The following NDUFA10 variants were observed in gnomAD, a reference collection of about 807,000 sequenced individuals.
NDUFA10 encodes NADH:ubiquinone oxidoreductase subunit A10.
Under a neutral mutation model 47.8 loss-of-function variants are expected in NDUFA10, and 40 were observed. That is an observed-to-expected ratio of 0.84 (90% CI 0.65 to 1.09). The LOEUF is 1.09. NDUFA10 is among the 50% of genes least tolerant of loss of function. The probability of loss-of-function intolerance (pLI) is 0.00; values close to 1 mark genes in which losing one functional copy is unlikely to be tolerated. For synonymous variants in NDUFA10, 183 were observed against 172.2 expected, an observed-to-expected ratio of 1.06 and a Z score of -0.49; for missense variants, 413 against 451.1, an observed-to-expected ratio of 0.92 and a Z score of 0.76.
Position 239,895,664 on chromosome 2 carries a change from G to A in NDUFA10, c.295-350C>T, listed in dbSNP as rs544712468. Among the ~76,000 whole-genome samples the A allele has an allele frequency of 1.8e-3, 279 of 152,264 alleles. 1 individual carries two copies. Among genetic ancestry groups the A allele is most frequent in the Non-Finnish European group, 3.2e-3 (218 of 68,018 alleles). ...TACTGTTCATTTTATATTGTGCAAT[G>A]TCAGTTTTAAATACAAATATAAAAG... On this transcript the variant is annotated intron_variant, in intron 4 of 5. Transcript: ENST00000419408.
intron 9 of NDUFA10, among the ~76,000 whole-genome samples, chr2:239,968,095 C>G (rs1044109985): frequency 1.3e-5 from 2 of 152,190 alleles, no homozygotes; most frequent in African/African-American, 4.8e-5. Context: ...GAAGCCAGTC[C>G]TCTCTTCTCT....
chr2:239,995,863 C>T (rs562527501), intron 8 of NDUFA10, among the ~76,000 whole-genome samples: 21 of 152,268 alleles, frequency 1.4e-4, no homozygotes, highest in African/African-American at 4.1e-4. Context: ...AACGATAAAG[C>T]GGCCAATTCT....
chr2:239,910,049 T>TA (rs1693722288), intron 4 of NDUFA10, among the ~76,000 whole-genome samples: 1 of 151,592 alleles, frequency 6.6e-6, no homozygotes, highest in South Asian at 2.1e-4. Context: ...TGACTATTAG[T>TA]AAAAAGTCAA....
At position 240,025,248 on chromosome 2, in the gene NDUFA10, C is replaced by T. The variant is rs781675594; in HGVS notation, c.54G>A (p.Val18=). 2.7e-6 allele frequency: 4 copies of T among 1,499,072 alleles called. No individual in the cohort carries two copies. The South Asian group carries it at 3.8e-5, about 14-fold the overall frequency. 92.9% of individuals were successfully genotyped at this position (1,499,072 alleles called of 1,614,324 possible). ...LAATSASARV[V]AAGAQRVRGI... is the part of the protein sequence containing the mutation. ...TCACCACGCGCTGGGCGCCCGCCGC[C>T]ACGACCCGGGCGGACGCGGACGTCG... Residue 18 remains valine, a synonymous_variant, in exon 1 of 10, where the codon GTG becomes GTA. Transcript: ENST00000252711.
intron 4 of NDUFA10, 102 bp downstream of exon 4, chr2:240,018,451 T>C (rs765368030): frequency 2.5e-6 from 4 of 1,603,742 alleles, no homozygotes; most frequent in Non-Finnish European, 3.4e-6. Flanking sequence ...TATTCATCTA[T>C]CTAACAGACA....
In NDUFA10 at chr2:239,906,627, G is replaced by A. The variant is rs1218610883; in HGVS notation, c.295-11313C>T. Among the ~76,000 whole-genome samples the A allele has an allele frequency of 6.6e-6, 1 of 152,156 alleles. No homozygotes were observed. The highest frequency in any genetic ancestry group is 1.5e-5 in the Non-Finnish European group (1 of 68,038). ...ATGGATGGCAAGAGCCAACCAGCGT[G>A]CCCCCGGGAATGCTGGTCCAGACGC... On this transcript the variant is annotated intron_variant, in intron 4 of 5. Coordinates refer to the NDUFA10 transcript ENST00000419408. The surrounding 1 kb of genome is among the most constrained non-coding windows in gnomAD (Gnocchi z 4.3).
chr2:239,967,349 G>A (rs1244298370), intron 9 of NDUFA10, among the ~76,000 whole-genome samples: 2 of 152,126 alleles, frequency 1.3e-5, no homozygotes, highest in Non-Finnish European at 2.9e-5. Flanking sequence ...GCCGCTGACT[G>A]CTTCTGTAAA....
chr2:240,001,073 G>A (rs566834820), intron 8 of NDUFA10, among the ~76,000 whole-genome samples: 20 of 152,350 alleles, frequency 1.3e-4, no homozygotes, highest in Non-Finnish European at 2.2e-4. Flanking sequence ...CAAGGGGCAG[G>A]GCACACTGGG....
At position 239,918,020 on chromosome 2, in the gene NDUFA10, TC is replaced by T. The variant is rs367772372; in HGVS notation, c.295-22707del. On this transcript the variant is annotated intron_variant, in intron 4 of 5. Coordinates refer to the NDUFA10 transcript ENST00000419408. ...TGGCGGCAGCCCAGCAGCCCTGGAC[TC>T]CAGGTGGGGAGAGGAGGCCTGGGCT... is the stretch of plus-strand genomic sequence containing the variant. 4.6e-5 allele frequency among the ~76,000 whole-genome samples: 7 copies of T among 152,206 alleles called. No homozygotes were observed. The South Asian group carries it at 1.4e-3, about 32-fold the overall frequency.
intron 8 of NDUFA10, 101 bp from the exon 9 acceptor site, chr2:239,990,283 A>G (rs1208525268): frequency 4.6e-6 from 4 of 877,882 alleles, no homozygotes; most frequent in Non-Finnish European, 7.4e-6. Context: ...TAAAAAATCT[A>G]TATATCCCAA....
chr2:240,002,362 G>C (rs1039827920), intron 8 of NDUFA10, among the ~76,000 whole-genome samples: 1 of 143,494 alleles, frequency 7.0e-6, no homozygotes, highest in Non-Finnish European at 1.5e-5. Context: ...AAAAAGACAA[G>C]GAAAGCGGGT....
At position 239,961,182 on chromosome 2, in the gene NDUFA10, G is replaced by T. The variant is rs747373667; in HGVS notation, c.1004C>A (p.Pro335Gln). 6.2e-7 allele frequency: 1 copy of T among 1,601,634 alleles called. No homozygotes were observed. The highest frequency in any genetic ancestry group is 1.7e-5 in the Admixed American group (1 of 58,570). ...DRVLHQFREL[P>Q]GRKYSPGYNT... ...GTACCCAGGGCTGTACTTGCGGCCC[G>T]GCAGCTGTGGGGGAAAAAGGCATTG... is the stretch of plus-strand genomic sequence containing the variant. Residue 335 changes from proline to glutamine, a missense_variant, in exon 10 of 10, where the codon CCG (proline) becomes CAG (glutamine). Transcript: ENST00000252711.
chr2:239,995,741 A>G (rs1386919627), intron 8 of NDUFA10, among the ~76,000 whole-genome samples: 2 of 152,182 alleles, frequency 1.3e-5, no homozygotes, highest in Non-Finnish European at 1.5e-5. Context: ...ATAGAAGAGG[A>G]AAAAAGACAC....
intron 9 of NDUFA10, among the ~76,000 whole-genome samples, chr2:239,962,218 C>T (rs923930248): frequency 6.6e-6 from 1 of 151,548 alleles, no homozygotes; most frequent in East Asian, 1.9e-4. Context: ...TGTACACACA[C>T]ACACACACAC....
intron 4 of NDUFA10, among the ~76,000 whole-genome samples, chr2:239,898,584 G>A (rs1693445877): frequency 6.6e-6 from 1 of 152,110 alleles, no homozygotes; most frequent in Non-Finnish European, 1.5e-5. Context: ...GGCAGGCAAG[G>A]AACGCCTCTC....
intron 4 of NDUFA10, among the ~76,000 whole-genome samples, chr2:239,914,398 C>T (rs1383456334): frequency 3.3e-5 from 5 of 149,902 alleles, no homozygotes; most frequent in Non-Finnish European, 5.9e-5. Context: ...CACATACATA[C>T]ACAGACACAC....
chr2:239,980,656 A>C (rs536589877), intron 9 of NDUFA10, among the ~76,000 whole-genome samples: 2 of 152,382 alleles, frequency 1.3e-5, no homozygotes, highest in African/African-American at 4.8e-5. Flanking sequence ...CCTAATATGC[A>C]GAAAAGCTTC....
chr2:239,918,734 T>TG (rs1229948472), intron 4 of NDUFA10, among the ~76,000 whole-genome samples: 1 of 152,160 alleles, frequency 6.6e-6, no homozygotes, highest in African/African-American at 2.4e-5. Context: ...AGAACAAAGA[T>TG]GGAAATCCAG....
intron 9 of NDUFA10, among the ~76,000 whole-genome samples, chr2:239,962,973 C>T (rs1377616616): frequency 6.6e-6 from 1 of 152,186 alleles, no homozygotes; most frequent in Non-Finnish European, 1.5e-5. Flanking sequence ...CCAGACCCCA[C>T]CTCCAACAGG....
Sources: allele counts gnomAD v4.1 joint callset (sites outside exome capture counted in the v4.1 genomes callset), GRCh38; gene constraint gnomAD v4.1.1; non-coding constraint Gnocchi (gnomAD v3.1); transcripts MANE v1.5; gene names NCBI Gene and HGNC (gene_info 2026-07-23, HGNC 2026-07-21).